HIPK3: variants seen among roughly 807,000 people sequenced by gnomAD.
HIPK3 encodes the protein homeodomain interacting protein kinase 3.
HIPK3 carries 47 observed loss-of-function variants against 124.2 expected under a neutral mutation model. The ratio of observed to expected loss-of-function variants is 0.38; its 90% confidence interval spans 0.30 to 0.48. HIPK3 has a LOEUF of 0.48. Among genes scored for constraint, HIPK3 ranks in the 20% least tolerant of loss-of-function variants. The pLI is 0.98. For synonymous variants in HIPK3, 482 were observed against 515.2 expected, an observed-to-expected ratio of 0.94 and a Z score of 0.87; for missense variants, 1,286 against 1,454.3, an observed-to-expected ratio of 0.88 and a Z score of 1.88.
Position 33,257,626 on chromosome 11 carries a change from G to T in HIPK3, c.-266G>T. On this transcript the variant is annotated 5_prime_UTR_variant, in exon 1 of 17. Transcript: ENST00000303296. The stretch of plus-strand genomic sequence containing the variant: ...AGCCGTCCCCACCCCAAATCCCCGG[G>T]AAGGAAGATGAGGGAGACGGGCCCG... The T allele has an allele frequency of 1.0e-6, 1 of 988,718 alleles. No individual in the cohort carries two copies. The allele number at this position is 988,718 out of a possible 1,614,324, so 61.2% of individuals were successfully genotyped here.
chr11:33,350,526 AAGC>A (rs1395882723), intron 14 of HIPK3, among the ~76,000 whole-genome samples: 1 of 151,696 alleles, frequency 6.6e-6, no homozygotes, highest in Non-Finnish European at 1.5e-5. Flanking sequence ...AAAAAAAAAA[AAGC>A]AGGATGTGGT....
At chr11:33,330,877 T>C (rs1028523016) in intron 3 of HIPK3, among the ~76,000 whole-genome samples, 7 of 151,892 alleles carry the variant, frequency 4.6e-5, no homozygotes, top group Non-Finnish European at 1.0e-4. Flanking sequence ...TATGTTTTTC[T>C]TTTTTCTTTT....
At position 33,356,982 on chromosome 11, in the gene HIPK3, C is replaced by T. The variant is rs2071594995; in HGVS notation, c.*3414C>T. On this transcript the variant is annotated 3_prime_UTR_variant, in exon 17 of 17. Transcript: ENST00000303296. ...CAAAATAAGAATTTATGGTGTATTA[C>T]TGTCGATTCACTTTGAATTAAAATA... is the stretch of plus-strand genomic sequence containing the variant. 1 of 152,104 alleles carries T rather than the reference C, an allele frequency of 6.6e-6. No individual in the cohort carries two copies. Among genetic ancestry groups the T allele is most frequent in the Non-Finnish European group, 1.5e-5 (1 of 67,984 alleles). 9.4% of individuals were successfully genotyped at this position (152,104 alleles called of 1,614,324 possible).
chr11:33,316,743 G>A (rs1274700361), intron 2 of HIPK3, among the ~76,000 whole-genome samples: 1 of 152,106 alleles, frequency 6.6e-6, no homozygotes, highest in Non-Finnish European at 1.5e-5. Context: ...AGGATTGCCA[G>A]ACCCTGGAGG....
intron 1 of HIPK3, among the ~76,000 whole-genome samples, chr11:33,277,992 CTT>C (rs1851315010): frequency 6.6e-6 from 1 of 152,128 alleles, no homozygotes; most frequent in African/African-American, 2.4e-5. Context: ...TTGCAAATAA[CTT>C]CTCTATGTCA....
chr11:33,273,541 A>G (rs998465966), intron 1 of HIPK3, among the ~76,000 whole-genome samples: 3 of 149,396 alleles, frequency 2.0e-5, no homozygotes, highest in African/African-American at 7.4e-5. Context: ...AAAAAAAAGA[A>G]GATTTTGGAC....
chr11:33,257,374 G>A, upstream of HIPK3: 1 of 985,000 alleles, frequency 1.0e-6, no homozygotes, highest in Non-Finnish European at 1.2e-6. Flanking sequence ...CCGAGGCTGG[G>A]GCGGCTGGTG....
At position 33,290,865 on chromosome 11, in the gene HIPK3, C is replaced by T. The variant is rs1851680457; in HGVS notation, c.1097+3354C>T. ...CTAATTTGTGTTTATATATAAATTTCAGGTAAATAATTTACCCGACGTTCA... is the reference window on the plus strand; with the variant it reads ...CTAATTTGTGTTTATATATAAATTTTAGGTAAATAATTTACCCGACGTTCA... On this transcript the variant is annotated intron_variant, in intron 2 of 16. Transcript: ENST00000303296. 2.0e-5 allele frequency among the ~76,000 whole-genome samples: 3 copies of T among 152,014 alleles called. No individual in the cohort carries two copies. In the South Asian group the frequency reaches 6.2e-4, roughly 31 times the overall value.
At chr11:33,295,860 C>G (rs1291826455) in intron 2 of HIPK3, among the ~76,000 whole-genome samples, 1 of 152,202 alleles carries the variant, frequency 6.6e-6, no homozygotes, top group African/African-American at 2.4e-5. Context: ...GTTTTTATCA[C>G]TATAAAGTTA....
chr11:33,325,472 T>C (rs1852782481), intron 2 of HIPK3, among the ~76,000 whole-genome samples: 2 of 152,194 alleles, frequency 1.3e-5, no homozygotes, highest in Non-Finnish European at 1.5e-5. Flanking sequence ...TGGTTAACAT[T>C]GGTAGTGAAT....
chr11:33,345,290 T>G (rs1297664077), intron 8 of HIPK3, among the ~76,000 whole-genome samples: 1 of 152,186 alleles, frequency 6.6e-6, no homozygotes, highest in Admixed American at 6.5e-5. Context: ...AGATGACAAC[T>G]ACTATATTAG....
At chr11:33,336,197 G>C (rs989707095) in intron 3 of HIPK3, among the ~76,000 whole-genome samples, 2 of 152,138 alleles carry the variant, frequency 1.3e-5, no homozygotes, top group African/African-American at 2.4e-5. Context: ...TTTGAACCAA[G>C]AGCTGAAGGA....
At chr11:33,270,789 CTAAT>C (rs1554961569) in intron 1 of HIPK3, among the ~76,000 whole-genome samples, 4 of 151,030 alleles carry the variant, frequency 2.6e-5, no homozygotes, top group Non-Finnish European at 5.9e-5. Context: ...AACCCTGTCT[CTAAT>C]TAAAAAAAGA....
At chr11:33,321,946 G>T (rs1479173142) in intron 2 of HIPK3, among the ~76,000 whole-genome samples, 1 of 152,006 alleles carries the variant, frequency 6.6e-6, no homozygotes, top group African/African-American at 2.4e-5. Flanking sequence ...TCCTTACCAG[G>T]CTCCAGTGTT....
rs988361872 is a variant in HIPK3, at chr11:33,287,269, T to C, written c.855T>C (p.Phe285=). Residue 285 remains phenylalanine (F), a synonymous_variant, in exon 2 of 17, where the codon TTT becomes TTC. Transcript: ENST00000303296. The part of the protein sequence containing the change: ...FEMLEQNLYD[F]LKQNKFSPLP... ...TGCTGGAACAAAACTTGTATGACTT[T>C]CTGAAACAAAATAAATTTAGTCCCC... is the stretch of plus-strand genomic sequence containing the variant. 2 of 1,614,032 alleles carry C rather than the reference T, an allele frequency of 1.2e-6. No individual in the cohort carries two copies. Among genetic ancestry groups the C allele is most frequent in the Non-Finnish European group, 1.7e-6 (2 of 1,180,034 alleles).
chr11:33,314,553 G>A (rs942714249), intron 2 of HIPK3, among the ~76,000 whole-genome samples: 2 of 152,150 alleles, frequency 1.3e-5, no homozygotes, highest in African/African-American at 4.8e-5. Flanking sequence ...CTACTTGGGA[G>A]GTTGAGGCAG....
intron 3 of HIPK3, among the ~76,000 whole-genome samples, chr11:33,329,840 A>G (rs1277035100): frequency 6.6e-6 from 1 of 152,230 alleles, no homozygotes; most frequent in Non-Finnish European, 1.5e-5. Context: ...AGCTGTTGGA[A>G]TACTGAGGCA....
At chr11:33,288,354 C>G in intron 2 of HIPK3, among the ~76,000 whole-genome samples, 1 of 152,074 alleles carries the variant, frequency 6.6e-6, no homozygotes, top group East Asian at 1.9e-4. Context: ...ACTTGGGAGG[C>G]TGAGGCAGGA....
chr11:33,298,155 C>T (rs1462779646), intron 2 of HIPK3, among the ~76,000 whole-genome samples: 1 of 152,126 alleles, frequency 6.6e-6, no homozygotes, highest in Non-Finnish European at 1.5e-5. Flanking sequence ...TGCTCACTTA[C>T]CATTCTGAAA....
Sources: gnomAD v4.1 joint callset for allele counts (sites outside exome capture counted in the v4.1 genomes callset) on GRCh38, gnomAD v4.1.1 for gene constraint, MANE v1.5 for transcripts, NCBI Gene and HGNC (gene_info 2026-07-23, HGNC 2026-07-21) for gene names.